Variants in SGIP1 observed in about 807,000 individuals in gnomAD.
The protein encoded by SGIP1 is SH3-containing GRB2-like protein 3-interacting protein 1.
A neutral mutation model predicts 107.5 loss-of-function variants in SGIP1; 38 were observed. That is an observed-to-expected ratio of 0.35 (90% confidence interval 0.27 to 0.46). SGIP1 has a LOEUF of 0.46. Ranked by LOEUF, SGIP1 falls within the 20% of genes least tolerant of loss-of-function variation. The pLI, the probability that SGIP1 is intolerant of heterozygous loss-of-function variation, is 1.00. For missense variants in SGIP1, 929 were observed against 1,019.5 expected, an observed-to-expected ratio of 0.91 and a Z score of 1.21; for synonymous variants, 365 against 366.1, an observed-to-expected ratio of 1.00 and a Z score of 0.03.
intron 1 of SGIP1, among the ~76,000 whole-genome samples, chr1:66,558,466 T>C (rs192401246): frequency 6.6e-6 from 1 of 152,062 alleles, no homozygotes; most frequent in African/African-American, 2.4e-5. Flanking sequence ...TATTAGACTA[T>C]ATATTATATT....
intron 22 of SGIP1, among the ~76,000 whole-genome samples, chr1:66,740,280 A>G (rs1443400373): frequency 1.3e-5 from 2 of 152,234 alleles, no homozygotes; most frequent in Non-Finnish European, 2.9e-5. Flanking sequence ...TACGACTGTC[A>G]GAAGCAAAAA....
chr1:66,583,869 T>G (rs2062168496), intron 1 of SGIP1, among the ~76,000 whole-genome samples: 1 of 152,156 alleles, frequency 6.6e-6, no homozygotes, highest in South Asian at 2.1e-4. Context: ...CAATAAATTT[T>G]TGTTGCATGG....
intron 1 of SGIP1, among the ~76,000 whole-genome samples, chr1:66,621,841 T>C (rs2149274523): frequency 6.6e-6 from 1 of 152,352 alleles, no homozygotes; most frequent in East Asian, 1.9e-4. Context: ...TGCTTATCCA[T>C]TTATCTGTTG....
intron 1 of SGIP1, among the ~76,000 whole-genome samples, chr1:66,541,907 G>A (rs985186692): frequency 6.6e-6 from 1 of 152,134 alleles, no homozygotes; most frequent in African/African-American, 2.4e-5. Flanking sequence ...AGGCAACAAT[G>A]TCCCCCTTCT....
intron 18 of SGIP1, among the ~76,000 whole-genome samples, chr1:66,713,999 T>C (rs2093080119): frequency 1.3e-5 from 2 of 152,112 alleles, no homozygotes; most frequent in Admixed American, 6.6e-5. Flanking sequence ...TATCTCCCTT[T>C]GTTTCTGCCT....
chr1:66,588,994 A>G (rs936197415), intron 1 of SGIP1, among the ~76,000 whole-genome samples: 1 of 143,458 alleles, frequency 7.0e-6, no homozygotes, highest in African/African-American at 2.7e-5. Flanking sequence ...AGAAGCAAAA[A>G]CAGAACTCTT....
intron 7 of SGIP1, among the ~76,000 whole-genome samples, chr1:66,654,040 G>A (rs997624442): frequency 6.6e-6 from 1 of 151,942 alleles, no homozygotes; most frequent in Non-Finnish European, 1.5e-5. Context: ...TTTTCTCTAG[G>A]GCCCACAGCA....
At chr1:66,675,063 A>G (rs1314506574) in intron 12 of SGIP1, among the ~76,000 whole-genome samples, 1 of 152,112 alleles carries the variant, frequency 6.6e-6, no homozygotes, top group Non-Finnish European at 1.5e-5. Context: ...TTCCTTATTA[A>G]CTCATCTGTG....
At chr1:66,661,256 A>G (rs1326678875) in intron 8 of SGIP1, among the ~76,000 whole-genome samples, 1 of 152,226 alleles carries the variant, frequency 6.6e-6, no homozygotes, top group Non-Finnish European at 1.5e-5. Flanking sequence ...CATGGCTGAC[A>G]GAGGTGACCT....
At chr1:66,596,414 G>A (rs1320389731) in intron 1 of SGIP1, among the ~76,000 whole-genome samples, 1 of 152,086 alleles carries the variant, frequency 6.6e-6, no homozygotes, top group Non-Finnish European at 1.5e-5. Flanking sequence ...TGGGGAGTGT[G>A]TGCTGATTGG....
rs1053274033 is a variant in SGIP1, at chr1:66,555,427, C to T, written c.10+21059C>T. Among the ~76,000 whole-genome samples, 12 of 152,246 alleles carry T rather than the reference C, an allele frequency of 7.9e-5. No homozygotes were observed. In the East Asian group the frequency reaches 1.9e-3, roughly 25 times the overall value. On this transcript the variant is annotated intron_variant, in intron 1 of 24. Coordinates refer to ENST00000371037, the MANE Select transcript of SGIP1 (RefSeq NM_032291.4). ...CTCTGTTCATTTAATTCTTCCAAAT[C>T]TTTCATGGCCCAGCCCAAGTACAGA...
rs116008064 is a variant in SGIP1 at position 66,541,864 on chromosome 1, G to T, written c.10+7496G>T. On this transcript the variant is annotated intron_variant, in intron 1 of 24. Transcript: ENST00000371037. ...GAGTGTTTCTGATATCTCAGTTGCTGTACTAGGCACAATGAAATGGCAGCA... is the reference window on the plus strand; with the variant it reads ...GAGTGTTTCTGATATCTCAGTTGCTTTACTAGGCACAATGAAATGGCAGCA... Among the ~76,000 whole-genome samples, 642 of 152,230 alleles carry T rather than the reference G, an allele frequency of 4.2e-3. 9 individuals carry two copies. Among genetic ancestry groups the T allele is most frequent in the African/African-American group, 0.015 (618 of 41,528 alleles).
intron 14 of SGIP1, among the ~76,000 whole-genome samples, chr1:66,680,664 C>T (rs2086496806): frequency 6.6e-6 from 1 of 152,156 alleles, no homozygotes; most frequent in Non-Finnish European, 1.5e-5. Context: ...CCTTTTATTT[C>T]CACAAATTGT....
intron 1 of SGIP1, among the ~76,000 whole-genome samples, chr1:66,556,260 T>G (rs915534439): frequency 8.5e-5 from 13 of 152,126 alleles, no homozygotes; most frequent in Non-Finnish European, 1.6e-4. Context: ...TGGCCCTCAG[T>G]GATGACAACT....
intron 11 of SGIP1, among the ~76,000 whole-genome samples, chr1:66,672,212 AG>A (rs989782513): frequency 1.3e-5 from 2 of 152,168 alleles, no homozygotes; most frequent in African/African-American, 4.8e-5. Context: ...CCTTATCTGA[AG>A]TAACTGTCTA....
intron 1 of SGIP1, among the ~76,000 whole-genome samples, chr1:66,562,791 G>C (rs1229776925): frequency 1.3e-5 from 2 of 152,054 alleles, no homozygotes; most frequent in East Asian, 3.9e-4. Context: ...TGCCCAGGAG[G>C]GGACACGGGA....
At chr1:66,542,912 T>C (rs1415601764) in intron 1 of SGIP1, among the ~76,000 whole-genome samples, 1 of 152,234 alleles carries the variant, frequency 6.6e-6, no homozygotes, top group Non-Finnish European at 1.5e-5. Context: ...TGTTTATTTG[T>C]ATAACGGCGT....
At position 66,750,037 on chromosome 1, in the gene SGIP1, GTGTGTGTGT is replaced by G. The variant is rs1365902935; in HGVS notation, c.*6943_*6951del. Among the ~76,000 whole-genome samples, 5 of 80,656 alleles carry G rather than the reference GTGTGTGTGT, an allele frequency of 6.2e-5. No homozygotes were observed. The highest frequency in any genetic ancestry group is 8.9e-5 in the African/African-American group (2 of 22,390). 52.9% of individuals were successfully genotyped at this position (80,656 alleles called of 152,430 possible). A position where few individuals can be genotyped will look rare whatever the true frequency, so the allele number is the denominator to read the frequency against. On this transcript the variant is annotated 3_prime_UTR_variant, in exon 25 of 25. Transcript: ENST00000371037. ...TCTCTTTCTCTGTGTGTGTGTGGGG[GTGTGTGTGT>G]GTGTGTGTGTGTGTGTGTGTGTCTC...
intron 1 of SGIP1, among the ~76,000 whole-genome samples, chr1:66,548,047 A>T (rs949856665): frequency 6.6e-6 from 1 of 152,022 alleles, no homozygotes; most frequent in Non-Finnish European, 1.5e-5. Context: ...AGAACAGGAG[A>T]TTCACATCAG....
Sources: gnomAD v4.1 joint callset for allele counts (sites outside exome capture counted in the v4.1 genomes callset) on GRCh38, gnomAD v4.1.1 for gene constraint, MANE v1.5 for transcripts, NCBI Gene and HGNC (gene_info 2026-07-23, HGNC 2026-07-21) for gene names.